CEPT1: variants seen among roughly 807,000 people sequenced by gnomAD.
CEPT1 encodes the protein choline/ethanolamine phosphotransferase 1.
Under a neutral mutation model 42.6 loss-of-function variants are expected in CEPT1, and 7 were observed. The observed-to-expected ratio is 0.16, with a 90% CI of 0.09 to 0.31. CEPT1 has a LOEUF of 0.31. Ranked by LOEUF, CEPT1 falls within the 10% of genes least tolerant of loss-of-function variation. The pLI is 1.00. For synonymous variants in CEPT1, 171 were observed against 171.9 expected (o/e 0.99, Z 0.04); for missense variants, 306 against 502.1 (o/e 0.61, Z 3.73).
intron 5 of CEPT1, chr1:111,181,832 AGG>A (rs958738524): frequency 2.6e-5 from 4 of 155,326 alleles, no homozygotes; most frequent in Admixed American, 1.3e-4. Flanking sequence ...GGAAAAAGGC[AGG>A]GTGCACTCCT....
intron 1 of CEPT1, among the ~76,000 whole-genome samples, chr1:111,146,446 CTCTTTTTTT>C (rs1654971821): frequency 6.6e-6 from 1 of 152,120 alleles, no homozygotes. Flanking sequence ...TAGCTGTTGA[CTCTTTTTTT>C]CTTCTGTTTC....
chr1:111,159,237 T>C, intron 2 of CEPT1, 143 bp from the exon 3 acceptor site: 1 of 745,270 alleles, frequency 1.3e-6, no homozygotes, highest in Non-Finnish European at 2.2e-6. Context: ...TCTAATTGTT[T>C]CAGTGAGTTC....
At chr1:111,161,328 C>G (rs1484459695) in intron 4 of CEPT1, 32 bp downstream of exon 4, 10 of 1,566,872 alleles carry the variant, frequency 6.4e-6, no homozygotes, top group Non-Finnish European at 7.8e-6. Context: ...TTTTTGTTTT[C>G]TCTTTCACAT....
chr1:111,175,907 T>C (rs537722974), intron 5 of CEPT1, among the ~76,000 whole-genome samples: 2 of 152,270 alleles, frequency 1.3e-5, no homozygotes, highest in South Asian at 4.1e-4. Context: ...AAAGAAAAGA[T>C]TTACTAGACC....
chr1:111,149,974 T>C (rs1655181428), intron 2 of CEPT1, among the ~76,000 whole-genome samples: 1 of 152,234 alleles, frequency 6.6e-6, no homozygotes. Context: ...ACCCAAGAAT[T>C]AGTTAAATCT....
In CEPT1 at chr1:111,169,765, A is replaced by G. The variant is rs140453860; in HGVS notation, c.630-5114A>G. On this transcript the variant is annotated intron_variant, in intron 4 of 8. Transcript: ENST00000357172. ...AATAATTTGTTTCTAAGTGAATTTG[A>G]TTTATTAGCATGTAAACTATCTATA... 5.3e-3 allele frequency among the ~76,000 whole-genome samples: 804 copies of G among 152,316 alleles called. 6 individuals carry two copies. Among genetic ancestry groups the G allele is most frequent in the African/African-American group, 0.018 (762 of 41,570 alleles).
intron 5 of CEPT1, 52 bp from the exon 6 acceptor site, chr1:111,182,130 GTTTTC>G: frequency 1.4e-6 from 2 of 1,380,234 alleles, no homozygotes; most frequent in Non-Finnish European, 2.0e-6. Flanking sequence ...ATATTAGACT[GTTTTC>G]TTATTTTAGT....
intron 4 of CEPT1, among the ~76,000 whole-genome samples, chr1:111,161,657 T>C (rs1170946753): frequency 2.6e-5 from 4 of 152,260 alleles, no homozygotes; most frequent in Non-Finnish European, 5.9e-5. Context: ...GAAGATGGTT[T>C]CTGAGAGCAG....
In CEPT1 at chr1:111,142,422, T is replaced by C. The variant is rs147750573; in HGVS notation, c.-74+2115T>C. Among the ~76,000 whole-genome samples the C allele has an allele frequency of 3.5e-3, 540 of 152,324 alleles. 5 individuals carry two copies. The highest frequency in any genetic ancestry group is 0.012 in the African/African-American group (509 of 41,574). On this transcript the variant is annotated intron_variant, in intron 1 of 8. Coordinates refer to ENST00000357172, the MANE Select transcript of CEPT1 (RefSeq NM_006090.5). Reference sequence around the variant, plus strand: ...GAATGTTATATTTCAGCCTTTCTGTTTCATCAGAGTCTGGAACCACTAAGT... The same window carrying C: ...GAATGTTATATTTCAGCCTTTCTGTCTCATCAGAGTCTGGAACCACTAAGT...
intron 4 of CEPT1, among the ~76,000 whole-genome samples, chr1:111,172,369 A>G (rs975847005): frequency 2.6e-5 from 4 of 152,162 alleles, no homozygotes; most frequent in Non-Finnish European, 2.9e-5. Context: ...ACGATTCTCC[A>G]TTTTTAAAAT....
At chr1:111,152,582 A>G (rs959906488) in intron 2 of CEPT1, among the ~76,000 whole-genome samples, 1 of 152,130 alleles carries the variant, frequency 6.6e-6, no homozygotes, top group Admixed American at 6.5e-5. Flanking sequence ...TTTATTGTTT[A>G]GGATTGCATA....
chr1:111,146,237 T>C (rs1654955454), intron 1 of CEPT1, among the ~76,000 whole-genome samples: 1 of 152,152 alleles, frequency 6.6e-6, no homozygotes, highest in Admixed American at 6.5e-5. Context: ...TTTAAGTTGA[T>C]GACCTGAACT....
At chr1:111,156,350 G>A (rs565174209) in intron 2 of CEPT1, among the ~76,000 whole-genome samples, 7 of 152,138 alleles carry the variant, frequency 4.6e-5, no homozygotes, top group Admixed American at 1.3e-4. Flanking sequence ...AGAATGTTTC[G>A]TGTGCTGATG....
intron 5 of CEPT1, chr1:111,179,545 T>C (rs1656867449): frequency 6.6e-6 from 1 of 152,194 alleles, no homozygotes; most frequent in Non-Finnish European, 1.5e-5. Context: ...AGAGAGAGAA[T>C]GTGCCACCCT....
At chr1:111,167,365 C>T (rs1234763746) in intron 4 of CEPT1, 2 of 946,862 alleles carry the variant, frequency 2.1e-6, no homozygotes, top group South Asian at 4.9e-5. Flanking sequence ...AATAAAAATC[C>T]ACCCTATTAA....
intron 2 of CEPT1, among the ~76,000 whole-genome samples, chr1:111,155,070 A>C (rs1655489232): frequency 6.6e-6 from 1 of 152,144 alleles, no homozygotes; most frequent in Non-Finnish European, 1.5e-5. Context: ...GTAGTTCTTT[A>C]AAAGTTTGGT....
chr1:111,182,765 G>C, intron 6 of CEPT1, 34 bp from the exon 7 acceptor site: 1 of 1,578,704 alleles, frequency 6.3e-7, no homozygotes, highest in South Asian at 1.2e-5. Context: ...GATGAGTACT[G>C]AATACTATTA....
At position 111,153,245 on chromosome 1, in the gene CEPT1, T is replaced by C. The variant is rs554334601; in HGVS notation, c.339+5192T>C. The stretch of plus-strand genomic sequence containing the variant: ...GCAGTATTTATCTTTCTGTGCTTGA[T>C]TTATTTCACTTAACATGATGTCTTC... On this transcript the variant is annotated intron_variant, in intron 2 of 8. Coordinates refer to ENST00000357172, the MANE Select transcript of CEPT1 (RefSeq NM_006090.5). 2.0e-5 allele frequency among the ~76,000 whole-genome samples: 3 copies of C among 152,280 alleles called. No individual in the cohort carries two copies. In the East Asian group the frequency reaches 5.8e-4, roughly 29 times the overall value.
intron 4 of CEPT1, among the ~76,000 whole-genome samples, chr1:111,161,708 T>C (rs1410822490): frequency 6.6e-6 from 1 of 152,254 alleles, no homozygotes; most frequent in Admixed American, 6.5e-5. Context: ...TCTACTATTT[T>C]CAAAAATGGC....
Sources: gnomAD v4.1 joint callset for allele counts (sites outside exome capture counted in the v4.1 genomes callset) on GRCh38, gnomAD v4.1.1 for gene constraint, MANE v1.5 for transcripts, NCBI Gene and HGNC (gene_info 2026-07-23, HGNC 2026-07-21) for gene names.